GART: variants seen among roughly 807,000 people sequenced by gnomAD.
GART encodes the protein trifunctional purine biosynthetic protein adenosine-3.
Under a neutral mutation model 107.2 loss-of-function variants are expected in GART, and 43 were observed. That is an observed-to-expected ratio of 0.40 (90% CI 0.31 to 0.52). The LOEUF (loss-of-function observed/expected upper bound fraction) is 0.52, where lower values mean the gene tolerates loss of function less well. Among genes scored for constraint, GART ranks in the 20% least tolerant of loss-of-function variants. The pLI, the probability that GART is intolerant of heterozygous loss-of-function variation, is 0.52. For synonymous variants in GART, 434 were observed against 427.0 expected, an observed-to-expected ratio of 1.02 and a Z score of -0.20; for missense variants, 1,107 against 1,206.5, an observed-to-expected ratio of 0.92 and a Z score of 1.22.
chr21:33,509,518 T>C, intron 18 of GART: 1 of 318,752 alleles, frequency 3.1e-6, no homozygotes, highest in Non-Finnish European at 5.7e-6. Flanking sequence ...ACAACAAAGC[T>C]ATGATACAAA....
chr21:33,520,473 G>A lies in GART; in HGVS notation c.1593C>T (p.Pro531=), dbSNP rs756149272. The A allele has an allele frequency of 6.2e-7, 1 of 1,614,008 alleles. No individual in the cohort carries two copies. Among genetic ancestry groups the A allele is most frequent in the South Asian group, 1.1e-5 (1 of 91,076 alleles). The change falls in exon 14 of 22, where the codon CCC becomes CCT. Residue 531 remains proline (P), a synonymous_variant. Transcript: ENST00000381815. The part of the protein sequence containing the change: ...VNDILAQGAE[P]LFFLDYFSCG... ...AGGAAAAGTAATCAAGGAAGAAGAGGGGCTCTGCTCCTTGTGCCAGAATAT... is the reference window on the plus strand; with the variant it reads ...AGGAAAAGTAATCAAGGAAGAAGAGAGGCTCTGCTCCTTGTGCCAGAATAT...
In GART at chr21:33,523,324, CAGAT is replaced by C. The variant is rs1353723937; in HGVS notation, c.1299-1046_1299-1043del. Among the ~76,000 whole-genome samples, 5 of 152,324 alleles carry C rather than the reference CAGAT, an allele frequency of 3.3e-5. No individual in the cohort carries two copies. The East Asian group carries it at 7.7e-4, about 23-fold the overall frequency. On this transcript the variant is annotated intron_variant, in intron 11 of 21. Transcript: ENST00000381815. ...AAAGCCAGCAGCTCTGGGTCACTCT[CAGAT>C]AGAAAACAAAGACTGATGTTAAAAA...
intron 14 of GART, chr21:33,518,779 T>C: frequency 2.1e-6 from 1 of 485,630 alleles, no homozygotes; most frequent in Middle Eastern, 7.1e-4. Flanking sequence ...CCACAGACTA[T>C]TTGGGCAGAG....
Position 33,528,560 on chromosome 21 carries a change from C to G in GART, c.856G>C (p.Val286Leu). ...CCAAAACGGCAATTAAACTCTAGAACTTTTGGGCCATTCTTGGTCAGCATT... is the reference window on the plus strand; with the variant it reads ...CCAAAACGGCAATTAAACTCTAGAAGTTTTGGGCCATTCTTGGTCAGCATT... ...GIMLTKNGPK[V>L]LEFNCRFGDP... The change falls in exon 9 of 22, where the codon GTT (valine) becomes CTT (leucine). Residue 286 changes from valine to leucine, a missense_variant. Coordinates refer to ENST00000381815, the MANE Select transcript of GART (RefSeq NM_000819.5). 2.5e-6 allele frequency: 4 copies of G among 1,605,486 alleles called. No homozygotes were observed. Among genetic ancestry groups the G allele is most frequent in the Non-Finnish European group, 3.4e-6 (4 of 1,178,104 alleles).
chr21:33,527,619 G>C (rs2085099107), intron 10 of GART, among the ~76,000 whole-genome samples: 1 of 152,026 alleles, frequency 6.6e-6, no homozygotes, highest in South Asian at 2.1e-4. Context: ...TACGGCACTG[G>C]AACTTAGATT....
At chr21:33,528,756 TA>T (rs57178645) in intron 8 of GART, 93 bp downstream of exon 8, 197,156 of 776,630 alleles carry the variant, frequency 0.25, 2,636 homozygotes, top group African/African-American at 0.26. Flanking sequence ...TAAAAAGTGG[TA>T]AAAAAAAAAA....
chr21:33,525,123 A>C, intron 10 of GART, 123 bp from the exon 11 acceptor site: 38 of 1,420,310 alleles, frequency 2.7e-5, no homozygotes, highest in Non-Finnish European at 3.1e-5. Context: ...GCGGTGGCTC[A>C]TGCTTATAAT....
At chr21:33,504,905 G>T in intron 20 of GART, among the ~76,000 whole-genome samples, 1 of 152,344 alleles carries the variant, frequency 6.6e-6, no homozygotes, top group Admixed American at 6.5e-5. Flanking sequence ...CCAGACAGAT[G>T]CTAGATTAGT....
intron 16 of GART, 143 bp downstream of exon 16, chr21:33,516,846 C>T (rs1322874087): frequency 1.7e-5 from 11 of 651,734 alleles, no homozygotes; most frequent in Non-Finnish European, 2.3e-5. Context: ...AGAAAAGGGT[C>T]GAGTTTTTCC....
At chr21:33,530,033 A>T (rs1183456012) in intron 7 of GART, among the ~76,000 whole-genome samples, 1 of 151,930 alleles carries the variant, frequency 6.6e-6, no homozygotes, top group Non-Finnish European at 1.5e-5. Context: ...CTCTACTAAA[A>T]ATACAAAAAT....
At chr21:33,526,106 C>G (rs1486815623) in intron 10 of GART, among the ~76,000 whole-genome samples, 3 of 151,698 alleles carry the variant, frequency 2.0e-5, no homozygotes. Context: ...CCTGACCTTG[C>G]GATCTGCCTG....
In GART at chr21:33,539,238, A is replaced by G; in HGVS notation, c.78T>C (p.His26=). 1 of 1,614,220 alleles carries G rather than the reference A, an allele frequency of 6.2e-7. No individual in the cohort carries two copies. Among genetic ancestry groups the G allele is most frequent in the Non-Finnish European group, 8.5e-7 (1 of 1,180,020 alleles). The change falls in exon 2 of 22, where the codon CAT becomes CAC. Residue 26 remains histidine (H), a synonymous_variant. Coordinates refer to ENST00000381815, the MANE Select transcript of GART (RefSeq NM_000819.5). ...TLAWKLAQSH[H]VKQVLVAPGN... ...CTGGGGCAACCAACACTTGTTTGAC[A>G]TGATGAGACTGTGCAAGTTTCCAGG...
At chr21:33,532,077 T>C (rs2085202715) in intron 5 of GART, 1 of 353,766 alleles carries the variant, frequency 2.8e-6, no homozygotes, top group East Asian at 5.7e-5. Flanking sequence ...TTTATTTATA[T>C]GTTCTAGAGT....
chr21:33,527,716 T>C (rs2085101051), intron 10 of GART, among the ~76,000 whole-genome samples: 1 of 152,076 alleles, frequency 6.6e-6, no homozygotes, highest in Non-Finnish European at 1.5e-5. Flanking sequence ...ACTGTTTGAA[T>C]TTTGCCATCC....
intron 12 of GART, among the ~76,000 whole-genome samples, chr21:33,521,631 C>CAAAAAAA (rs571421187): frequency 1.8e-5 from 1 of 54,442 alleles, no homozygotes; most frequent in East Asian, 5.1e-4. Flanking sequence ...GACTTTGTCT[C>CAAAAAAA]AAAAAAAAAA....
intron 19 of GART, 100 bp downstream of exon 19, chr21:33,505,874 C>G (rs565796752): frequency 5.9e-6 from 9 of 1,512,630 alleles, no homozygotes; most frequent in Non-Finnish European, 8.0e-6. Flanking sequence ...CCCAAAATGG[C>G]GAAGTCCCAA....
At position 33,531,521 on chromosome 21, in the gene GART, T is replaced by C. The variant is rs773901293; in HGVS notation, c.565A>G (p.Ile189Val). The C allele has an allele frequency of 6.2e-7, 1 of 1,612,606 alleles. No individual in the cohort carries two copies. Among genetic ancestry groups the C allele is most frequent in the Non-Finnish European group, 8.5e-7 (1 of 1,179,640 alleles). ...AFGAAGETIV[I>V]EELLDGEEVS... is the part of the protein sequence containing the mutation. ...TCTTCTCCGTCAAGAAGTTCTTCAA[T>C]GACAATTGTTTCTCCAGCTGCCCCA... The change falls in exon 6 of 22, where the codon ATT becomes GTT. Residue 189 changes from isoleucine to valine, a missense_variant. By Grantham distance (29) the Ile-to-Val change is conservative. Coordinates refer to ENST00000381815, the MANE Select transcript of GART (RefSeq NM_000819.5).
chr21:33,530,351 C>T (rs2145742160), intron 7 of GART, among the ~76,000 whole-genome samples: 1 of 152,312 alleles, frequency 6.6e-6, no homozygotes, highest in East Asian at 1.9e-4. Flanking sequence ...CAATTCATAT[C>T]ACACGCACAC....
intron 16 of GART, among the ~76,000 whole-genome samples, chr21:33,515,461 G>A (rs1156229541): frequency 1.3e-5 from 2 of 152,012 alleles, no homozygotes; most frequent in African/African-American, 4.8e-5. Context: ...CCAACACGGT[G>A]AAACCCCGTG....
Sources: allele counts gnomAD v4.1 joint callset (sites outside exome capture counted in the v4.1 genomes callset), GRCh38; gene constraint gnomAD v4.1.1; transcripts MANE v1.5; gene names NCBI Gene and HGNC (gene_info 2026-07-23, HGNC 2026-07-21).